Variants in RBFOX1 observed in about 807,000 individuals in gnomAD.
The protein encoded by RBFOX1 is RNA binding fox-1 homolog 1.
A neutral mutation model predicts 57.7 loss-of-function variants in RBFOX1; 8 were observed. The ratio of observed to expected loss-of-function variants is 0.14; its 90% CI spans 0.08 to 0.25. The LOEUF (loss-of-function observed/expected upper bound fraction) is 0.25. Ranked by LOEUF, RBFOX1 falls within the 10% of genes least tolerant of loss-of-function variation. RBFOX1 has a pLI of 1.00. For missense variants in RBFOX1, 611 were observed against 548.5 expected (o/e 1.11, Z -1.14); for synonymous variants, 326 against 222.4 (o/e 1.47, Z -4.15).
chr16:6,352,014 C>G (rs890634679), intron 2 of RBFOX1, among the ~76,000 whole-genome samples: 1 of 152,140 alleles, frequency 6.6e-6, no homozygotes, highest in Non-Finnish European at 1.5e-5. Flanking sequence ...CCAAACCTAC[C>G]CTTTTTCAGT....
At position 7,650,428 on chromosome 16, in the gene RBFOX1, T is replaced by G. The variant is rs189505901; in HGVS notation, c.758-3387T>G. On this transcript the variant is annotated intron_variant, in intron 11 of 15. Coordinates refer to ENST00000550418, the MANE Select transcript of RBFOX1 (RefSeq NM_018723.4). ...TTTCACAAAATAAGAAGTCCCCCAA[T>G]GTGCCCTGCTTGGGAGAGCCCAAAG... 2.6e-3 allele frequency among the ~76,000 whole-genome samples: 402 copies of G among 151,976 alleles called. 7 individuals are homozygous for G. Among genetic ancestry groups the G allele is most frequent in the Non-Finnish European group, 7.5e-4 (51 of 67,956 alleles).
chr16:5,317,148 C>T (rs569257847), intron 1 of RBFOX1, among the ~76,000 whole-genome samples: 188 of 152,122 alleles, frequency 1.2e-3, no homozygotes, highest in Non-Finnish European at 1.2e-3. Flanking sequence ...TGTGAGTCTT[C>T]TCAGCCTTTA....
At chr16:6,052,291 A>G (rs187540182) in intron 1 of RBFOX1, among the ~76,000 whole-genome samples, 19 of 152,130 alleles carry the variant, frequency 1.2e-4, no homozygotes, top group South Asian at 2.1e-4. Context: ...ATGTCCCTGT[A>G]TTCCTCTTCC....
intron 2 of RBFOX1, among the ~76,000 whole-genome samples, chr16:6,319,550 A>G (rs1318045051): frequency 6.6e-6 from 1 of 152,188 alleles, no homozygotes; most frequent in African/African-American, 2.4e-5. Flanking sequence ...ACATTAGACA[A>G]GAGACCAGTA....
At chr16:7,288,111 C>G (rs2095686636) in intron 4 of RBFOX1, among the ~76,000 whole-genome samples, 1 of 152,138 alleles carries the variant, frequency 6.6e-6, no homozygotes, top group Non-Finnish European at 1.5e-5. Flanking sequence ...TACCTTCACC[C>G]TGGTTTCCAT....
chr16:6,608,089 G>C (rs1385664749), intron 2 of RBFOX1, among the ~76,000 whole-genome samples: 1 of 152,134 alleles, frequency 6.6e-6, no homozygotes, highest in East Asian at 1.9e-4. Flanking sequence ...ATGAGACAAT[G>C]TCTCATAGCA....
chr16:6,043,353 C>A (rs925558404), intron 1 of RBFOX1, among the ~76,000 whole-genome samples: 2 of 152,184 alleles, frequency 1.3e-5, no homozygotes, highest in East Asian at 3.9e-4. Context: ...TCAGAAAAGA[C>A]AGCTTTGCAG....
chr16:6,521,357 T>C (rs1341803973), intron 2 of RBFOX1, among the ~76,000 whole-genome samples: 4 of 151,920 alleles, frequency 2.6e-5, no homozygotes, highest in African/African-American at 9.7e-5. Context: ...GCATTTCTCC[T>C]CCTCATTTAA....
At chr16:6,671,400 A>G (rs2098764121) in intron 3 of RBFOX1, among the ~76,000 whole-genome samples, 1 of 152,214 alleles carries the variant, frequency 6.6e-6, no homozygotes, top group Non-Finnish European at 1.5e-5. Context: ...TAAAATTTGC[A>G]TGGAAAAGAG....
intron 2 of RBFOX1, among the ~76,000 whole-genome samples, chr16:6,544,021 C>G (rs1029196095): frequency 1.3e-5 from 2 of 152,132 alleles, no homozygotes; most frequent in Non-Finnish European, 2.9e-5. Flanking sequence ...TTATGTTTGC[C>G]AAATATTAGC....
intron 3 of RBFOX1, among the ~76,000 whole-genome samples, chr16:6,992,459 C>T (rs745680103): frequency 6.6e-6 from 1 of 152,146 alleles, no homozygotes; most frequent in Non-Finnish European, 1.5e-5. Context: ...CTCACGTGAT[C>T]TGCCTTGGCC....
rs375624255 is a variant in RBFOX1, at chr16:6,978,759, G to C, written c.-15-73298G>C. 2.6e-5 allele frequency among the ~76,000 whole-genome samples: 4 copies of C among 152,326 alleles called. No individual in the cohort carries two copies. In the South Asian group the frequency reaches 8.3e-4, roughly 32 times the overall value. Reference sequence around the variant, plus strand: ...GAAGAAGGATTCGAACCCCAGATTTGAACCCCAGTGGCCTGATTCTGGAGT... The same window carrying C: ...GAAGAAGGATTCGAACCCCAGATTTCAACCCCAGTGGCCTGATTCTGGAGT... On this transcript the variant is annotated intron_variant, in intron 3 of 15. Coordinates refer to ENST00000550418, the MANE Select transcript of RBFOX1 (RefSeq NM_018723.4).
intron 1 of RBFOX1, among the ~76,000 whole-genome samples, chr16:6,264,947 G>A (rs745935268): frequency 2.0e-5 from 3 of 152,200 alleles, no homozygotes; most frequent in African/African-American, 7.2e-5. Flanking sequence ...CGAGTTCTGT[G>A]TGTGGGAACC....
At chr16:7,206,211 G>A (rs141804634) in intron 4 of RBFOX1, among the ~76,000 whole-genome samples, 1 of 152,102 alleles carries the variant, frequency 6.6e-6, no homozygotes, top group Admixed American at 6.5e-5. Flanking sequence ...GGGAGACCCA[G>A]TAGGTAAAGT....
chr16:6,181,065 C>G (rs1255625800), intron 1 of RBFOX1, among the ~76,000 whole-genome samples: 1 of 152,174 alleles, frequency 6.6e-6, no homozygotes, highest in Non-Finnish European at 1.5e-5. Context: ...TATTTAGACT[C>G]TACTGGTTCC....
At chr16:5,721,036 G>T (rs2051911458) in intron 3 of RBFOX1, among the ~76,000 whole-genome samples, 1 of 152,092 alleles carries the variant, frequency 6.6e-6, no homozygotes, top group South Asian at 2.1e-4. Flanking sequence ...TTTCATTTTA[G>T]TATTGTCTTC....
chr16:6,934,504 G>C (rs780380680), intron 3 of RBFOX1, among the ~76,000 whole-genome samples: 1 of 152,074 alleles, frequency 6.6e-6, no homozygotes, highest in Non-Finnish European at 1.5e-5. Context: ...AATGGACAAA[G>C]AACATGTGGT....
chr16:7,247,013 A>C (rs2094329030), intron 4 of RBFOX1, among the ~76,000 whole-genome samples: 1 of 152,100 alleles, frequency 6.6e-6, no homozygotes, highest in Admixed American at 6.5e-5. Context: ...TCACAAATCT[A>C]ATTGGCAGGT....
chr16:7,053,386 C>T (rs538292449), intron 4 of RBFOX1, among the ~76,000 whole-genome samples: 1 of 152,130 alleles, frequency 6.6e-6, no homozygotes, highest in African/African-American at 2.4e-5. Flanking sequence ...TCTGAACTGT[C>T]TTACTGCTTT....
Sources: allele counts gnomAD v4.1 joint callset (sites outside exome capture counted in the v4.1 genomes callset), GRCh38; gene constraint gnomAD v4.1.1; transcripts MANE v1.5; gene names NCBI Gene and HGNC (gene_info 2026-07-23, HGNC 2026-07-21).